ILKAP: variants seen among roughly 807,000 people sequenced by gnomAD.
The protein encoded by ILKAP is integrin-linked kinase-associated serine/threonine phosphatase 2C.
A neutral mutation model predicts 49.1 loss-of-function variants in ILKAP; 11 were observed. The ratio of observed to expected loss-of-function variants is 0.22; its 90% CI spans 0.14 to 0.37. The LOEUF is 0.37. Ranked by LOEUF, ILKAP falls within the 10% of genes least tolerant of loss-of-function variation. ILKAP has a pLI of 1.00. For missense variants in ILKAP, 363 were observed against 510.8 expected (o/e 0.71, Z 2.79); for synonymous variants, 186 against 192.8 (o/e 0.96, Z 0.29).
At chr2:238,184,737 T>TC (rs909896155) in intron 6 of ILKAP, among the ~76,000 whole-genome samples, 1 of 149,286 alleles carries the variant, frequency 6.7e-6, no homozygotes, top group Non-Finnish European at 1.5e-5. Flanking sequence ...GGTTTGTTTT[T>TC]TTTTTTTATA....
intron 6 of ILKAP, among the ~76,000 whole-genome samples, chr2:238,184,752 T>C (rs1693836479): frequency 6.7e-6 from 1 of 148,814 alleles, no homozygotes; most frequent in Non-Finnish European, 1.5e-5. Flanking sequence ...TTTATAGAGA[T>C]AGAGTCTCCC....
chr2:238,177,687 T>C (rs1310357974), intron 9 of ILKAP, among the ~76,000 whole-genome samples: 1 of 152,250 alleles, frequency 6.6e-6, no homozygotes, highest in Non-Finnish European at 1.5e-5. Flanking sequence ...TATTCTGTTA[T>C]ATAGACATCT....
At chr2:238,193,675 T>A (rs899570940) in intron 3 of ILKAP, among the ~76,000 whole-genome samples, 1 of 152,180 alleles carries the variant, frequency 6.6e-6, no homozygotes, top group African/African-American at 2.4e-5. Flanking sequence ...GTACTTTTCC[T>A]AAAATATAGA....
rs901058253 is a variant in ILKAP, at chr2:238,182,202, T to C, written c.715-16A>G. On this transcript the variant is annotated splice_polypyrimidine_tract_variant and intron_variant, in intron 8 of 11. Coordinates refer to ENST00000254654, the MANE Select transcript of ILKAP (RefSeq NM_030768.3). ...ACAAGATTGCCTGGGAAGATGGAGA[T>C]TGTAATAGTCATGAAATTCAGTGGG... is the stretch of plus-strand genomic sequence containing the variant. The C allele has an allele frequency of 3.1e-6, 5 of 1,612,536 alleles. No individual in the cohort carries two copies. Among genetic ancestry groups the C allele is most frequent in the East Asian group, 4.5e-5 (2 of 44,816 alleles).
intron 1 of ILKAP, among the ~76,000 whole-genome samples, chr2:238,196,335 C>A (rs1694347322): frequency 6.6e-6 from 1 of 152,064 alleles, no homozygotes; most frequent in Non-Finnish European, 1.5e-5. Flanking sequence ...AAGTGTTCTG[C>A]CTGCCTCAGC....
At chr2:238,193,341 C>T (rs924717044) in intron 3 of ILKAP, among the ~76,000 whole-genome samples, 7 of 152,172 alleles carry the variant, frequency 4.6e-5, no homozygotes, top group African/African-American at 1.7e-4. Flanking sequence ...CTGCCTCTGC[C>T]TCCTGAGTAG....
At chr2:238,201,805 G>GA (rs34058768) in intron 1 of ILKAP, among the ~76,000 whole-genome samples, 15 of 152,036 alleles carry the variant, frequency 9.9e-5, no homozygotes, top group African/African-American at 3.1e-4. Flanking sequence ...ATTGACAAGA[G>GA]AAAAAAGACT....
chr2:238,199,957 AT>A (rs1351684939), intron 1 of ILKAP, among the ~76,000 whole-genome samples: 1 of 152,166 alleles, frequency 6.6e-6, no homozygotes, highest in African/African-American at 2.4e-5. Flanking sequence ...TGGCCATCAA[AT>A]ATTTTATTTC....
chr2:238,177,098 ATCT>A (rs1173779147), intron 9 of ILKAP, among the ~76,000 whole-genome samples: 1 of 152,216 alleles, frequency 6.6e-6, no homozygotes, highest in African/African-American at 2.4e-5. Context: ...ACTTGTCTTA[ATCT>A]TCTCAGAAAA....
intron 5 of ILKAP, chr2:238,187,047 T>G (rs965683233): frequency 6.6e-6 from 1 of 152,326 alleles, no homozygotes; most frequent in South Asian, 2.1e-4. Context: ...AGCCCAGGAC[T>G]CTGAGACAAG....
intron 10 of ILKAP, 29 bp downstream of exon 10, chr2:238,173,505 A>T (rs1693317035): frequency 6.3e-7 from 1 of 1,581,346 alleles, no homozygotes; most frequent in African/African-American, 1.5e-5. Flanking sequence ...ACATGCACAC[A>T]CACCTGTGCC....
intron 8 of ILKAP, among the ~76,000 whole-genome samples, chr2:238,183,148 A>C (rs1220250392): frequency 9.2e-5 from 14 of 152,134 alleles, no homozygotes; most frequent in Admixed American, 7.2e-4. Context: ...AGGGGGAACA[A>C]CACCCTGGGC....
intron 1 of ILKAP, among the ~76,000 whole-genome samples, chr2:238,201,075 C>G (rs1250878980): frequency 6.6e-6 from 1 of 152,220 alleles, no homozygotes; most frequent in Non-Finnish European, 1.5e-5. Context: ...TTGTTCACTG[C>G]ATTAGAGATT....
intron 1 of ILKAP, among the ~76,000 whole-genome samples, chr2:238,201,612 T>C (rs1037893599): frequency 3.3e-5 from 5 of 152,194 alleles, no homozygotes; most frequent in African/African-American, 9.7e-5. Context: ...AAAAGGCTGC[T>C]AAGGTGCCAA....
chr2:238,175,452 A>G (rs1693409133), intron 9 of ILKAP, among the ~76,000 whole-genome samples: 1 of 152,212 alleles, frequency 6.6e-6, no homozygotes, highest in South Asian at 2.1e-4. Context: ...CTAGAGTAAC[A>G]GGAGAAAGCA....
chr2:238,202,631 A>G (rs1179764035), intron 1 of ILKAP, among the ~76,000 whole-genome samples: 3 of 152,308 alleles, frequency 2.0e-5, no homozygotes, highest in Admixed American at 6.5e-5. Context: ...TCTGCCCCCA[A>G]GTTAAATTTT....
rs545509485 is a variant in ILKAP, at chr2:238,189,247, G to A, written c.298+606C>T. On this transcript the variant is annotated intron_variant, in intron 4 of 11. Coordinates refer to ENST00000254654, the MANE Select transcript of ILKAP (RefSeq NM_030768.3). Reference sequence around the variant, plus strand: ...GTAGAATGGTATGAACCCGGGAGGCGGAGCTTGCAGTGAGCCGAGATGGTG... The same window carrying A: ...GTAGAATGGTATGAACCCGGGAGGCAGAGCTTGCAGTGAGCCGAGATGGTG... Among the ~76,000 whole-genome samples, 10 of 152,064 alleles carry A rather than the reference G, an allele frequency of 6.6e-5. No individual in the cohort carries two copies. In the South Asian group the frequency reaches 1.0e-3, roughly 16 times the overall value.
At chr2:238,202,367 C>T (rs187779845) in intron 1 of ILKAP, among the ~76,000 whole-genome samples, 61 of 152,320 alleles carry the variant, frequency 4.0e-4, no homozygotes, top group African/African-American at 1.4e-3. Flanking sequence ...CAGCATTTCC[C>T]ACAGTCATTA....
intron 1 of ILKAP, among the ~76,000 whole-genome samples, chr2:238,199,341 A>G (rs1011586867): frequency 3.3e-5 from 5 of 152,250 alleles, no homozygotes; most frequent in Admixed American, 2.6e-4. Flanking sequence ...ATAGAAGCCA[A>G]AATCTGTTCC....
Sources: gnomAD v4.1 joint callset for allele counts (sites outside exome capture counted in the v4.1 genomes callset) on GRCh38, gnomAD v4.1.1 for gene constraint, MANE v1.5 for transcripts, NCBI Gene and HGNC (gene_info 2026-07-23, HGNC 2026-07-21) for gene names.